The following SRP9 variants were observed in gnomAD, a reference collection of about 807,000 sequenced individuals.
The protein encoded by SRP9 is signal recognition particle 9 kDa protein.
SRP9 carries 2 observed loss-of-function variants against 11.7 expected under a neutral mutation model. The observed-to-expected ratio is 0.17, with a 90% CI of 0.07 to 0.54. SRP9 has a LOEUF of 0.54. Ranked by LOEUF, SRP9 falls within the 20% of genes least tolerant of loss-of-function variation. The pLI, the probability that SRP9 is intolerant of heterozygous loss-of-function variation, is 0.94. For missense variants in SRP9, 54 were observed against 108.1 expected, an observed-to-expected ratio of 0.50 and a Z score of 2.22; for synonymous variants, 27 against 35.6, an observed-to-expected ratio of 0.76 and a Z score of 0.86.
rs183410856 is a variant in SRP9 at position 225,784,831 on chromosome 1, G to A, written c.141+1463G>A. On this transcript the variant is annotated intron_variant, in intron 2 of 2. Transcript: ENST00000304786. ...CACTCCAGCCTGGGTGACACAGCAA[G>A]ACTCCATCTCAAAAAAACAAACAAA... Among the ~76,000 whole-genome samples, 17 of 152,072 alleles carry A rather than the reference G, an allele frequency of 1.1e-4. No homozygotes were observed. In the East Asian group the frequency reaches 3.2e-3, roughly 28 times the overall value.
chr1:225,781,210 C>T (rs1265675751), intron 1 of SRP9, among the ~76,000 whole-genome samples: 1 of 152,106 alleles, frequency 6.6e-6, no homozygotes, highest in East Asian at 1.9e-4. Context: ...TGTTTTCTCT[C>T]TTTAGCATTT....
chr1:225,785,921 A>G lies in SRP9; in HGVS notation c.141+2553A>G, dbSNP rs145186776. On this transcript the variant is annotated intron_variant, in intron 2 of 2. Coordinates refer to ENST00000304786, the MANE Select transcript of SRP9 (RefSeq NM_003133.6). ...GGCTGGAGTTGAACTCCTGACCTCAAGCGATCCACCCACCTCGGCCTCCCA... is the reference window on the plus strand; with the variant it reads ...GGCTGGAGTTGAACTCCTGACCTCAGGCGATCCACCCACCTCGGCCTCCCA... Among the ~76,000 whole-genome samples, 122 of 151,860 alleles carry G rather than the reference A, an allele frequency of 8.0e-4. No individual in the cohort carries two copies. The Middle Eastern group carries it at 0.01, about 13-fold the overall frequency.
chr1:225,782,265 A>G (rs375962174), intron 1 of SRP9, among the ~76,000 whole-genome samples: 2 of 151,890 alleles, frequency 1.3e-5, no homozygotes, highest in Non-Finnish European at 2.9e-5. Context: ...CCTGGTTCAC[A>G]CCATTCTCTT....
At chr1:225,781,177 C>A (rs1016401546) in intron 1 of SRP9, among the ~76,000 whole-genome samples, 2 of 152,124 alleles carry the variant, frequency 1.3e-5, no homozygotes, top group Admixed American at 1.3e-4. Context: ...TTTAGACTTT[C>A]CTTTTTCCCA....
chr1:225,778,943 C>A (rs949978597), intron 1 of SRP9, among the ~76,000 whole-genome samples: 1 of 152,186 alleles, frequency 6.6e-6, no homozygotes, highest in African/African-American at 2.4e-5. Context: ...TTCCCACTCT[C>A]GTGTTACTGA....
chr1:225,784,346 A>G (rs1343158575), intron 2 of SRP9, among the ~76,000 whole-genome samples: 1 of 136,032 alleles, frequency 7.4e-6, no homozygotes, highest in Non-Finnish European at 1.5e-5. Context: ...TCCCGGGTTC[A>G]TGCCATTCTT....
intron 1 of SRP9, among the ~76,000 whole-genome samples, chr1:225,782,411 G>A (rs1225001397): frequency 6.6e-6 from 1 of 152,068 alleles, no homozygotes; most frequent in East Asian, 1.9e-4. Context: ...TGATCCACCC[G>A]CCTTGGCCTC....
chr1:225,786,891 G>A (rs1335382655), intron 2 of SRP9: 2 of 1,109,038 alleles, frequency 1.8e-6, no homozygotes, highest in Non-Finnish European at 2.4e-6. Flanking sequence ...TGCTCAGGCT[G>A]CAGTGCAGTG....
Position 225,784,229 on chromosome 1 carries a change from C to CTTTTTTTTTTT in SRP9, c.141+886_141+896dup, listed in dbSNP as rs561503475. Reference sequence around the variant, plus strand: ...TCTACAGTGGAGTTTATCACCTGTTCTTTTTTTTTTTTTTTTTTTTTTTTT... The same window carrying CTTTTTTTTTTT: ...TCTACAGTGGAGTTTATCACCTGTTCTTTTTTTTTTTTTTTTTTTTTTTTTTTTTTTTTTTT... On this transcript the variant is annotated intron_variant, in intron 2 of 2. Coordinates refer to ENST00000304786, the MANE Select transcript of SRP9 (RefSeq NM_003133.6). Among the ~76,000 whole-genome samples the CTTTTTTTTTTT allele has an allele frequency of 1.7e-4, 6 of 34,458 alleles. 2 individuals carry two copies. The highest frequency in any genetic ancestry group is 1.4e-3 in the Admixed American group (3 of 2,194). 22.6% of individuals were successfully genotyped at this position (34,458 alleles called of 152,430 possible).
chr1:225,779,831 C>G (rs1665759364), intron 1 of SRP9, among the ~76,000 whole-genome samples: 1 of 152,098 alleles, frequency 6.6e-6, no homozygotes, highest in Non-Finnish European at 1.5e-5. Flanking sequence ...TACTCTGAGA[C>G]CACACAGGAC....
intron 1 of SRP9, 57 bp downstream of exon 1, chr1:225,778,069 T>C: frequency 6.3e-7 from 1 of 1,595,600 alleles, no homozygotes; most frequent in African/African-American, 1.3e-5. Context: ...CTTCCCGCCA[T>C]CCACTCGGCC....
chr1:225,777,871 C>G lies in SRP9; in HGVS notation c.-70C>G. On this transcript the variant is annotated 5_prime_UTR_variant, in exon 1 of 3. Coordinates refer to ENST00000304786, the MANE Select transcript of SRP9 (RefSeq NM_003133.6). ...GGGACTCGCGTCGGTTGGCGACTCC[C>G]GGACGTAGGTAGTTTGTTGGGCCGG... The G allele has an allele frequency of 6.8e-7, 1 of 1,467,136 alleles. No homozygotes were observed. Among genetic ancestry groups the G allele is most frequent in the Non-Finnish European group, 9.4e-7 (1 of 1,061,066 alleles). 90.9% of individuals were successfully genotyped at this position (1,467,136 alleles called of 1,614,324 possible).
At chr1:225,780,178 A>ATTTTTTTTTT (rs67816765) in intron 1 of SRP9, among the ~76,000 whole-genome samples, 6 of 130,182 alleles carry the variant, frequency 4.6e-5, no homozygotes, top group Non-Finnish European at 9.5e-5. Context: ...TGCCTGCCTA[A>ATTTTTTTTTT]TTTTTTTTTT....
Position 225,789,907 on chromosome 1 carries a change from A to G in SRP9, c.*548A>G, listed in dbSNP as rs1665993381. On this transcript the variant is annotated 3_prime_UTR_variant, in exon 3 of 3. Coordinates refer to ENST00000304786, the MANE Select transcript of SRP9 (RefSeq NM_003133.6). Reference sequence around the variant, plus strand: ...TCAATTATATCTGAAAGTAATTGTGACTAACAAGTATGCTTTGCCTTATTT... The same window carrying G: ...TCAATTATATCTGAAAGTAATTGTGGCTAACAAGTATGCTTTGCCTTATTT... 6.6e-6 allele frequency: 1 copy of G among 152,358 alleles called. No individual in the cohort carries two copies. Among genetic ancestry groups the G allele is most frequent in the South Asian group, 2.1e-4 (1 of 4,842 alleles). The allele number at this position is 152,358 out of a possible 1,614,324, so 9.4% of individuals were successfully genotyped here. A position where few individuals can be genotyped will look rare whatever the true frequency, so the allele number is the denominator to read the frequency against.
intron 2 of SRP9, chr1:225,786,770 G>A: frequency 4.2e-6 from 5 of 1,183,846 alleles, no homozygotes; most frequent in Non-Finnish European, 5.3e-6. Context: ...ATATATGAAA[G>A]TATCTAACAT....
At chr1:225,786,790 CCCTTGG>C (rs1234037317) in intron 2 of SRP9, 1 of 1,249,714 alleles carries the variant, frequency 8.0e-7, no homozygotes, top group Admixed American at 2.7e-5. Context: ...TGAGTGCTTA[CCCTTGG>C]TAGATTGAGT....
intron 2 of SRP9, among the ~76,000 whole-genome samples, chr1:225,784,229 C>CTTTTTTTTTTTTT (rs561503475): frequency 8.7e-5 from 3 of 34,458 alleles, no homozygotes; most frequent in Non-Finnish European, 1.5e-4. Context: ...ATCACCTGTT[C>CTTTTTTTTTTTTT]TTTTTTTTTT....
Position 225,777,924 on chromosome 1 carries a change from T to C in SRP9, c.-17T>C. The stretch of plus-strand genomic sequence containing the variant: ...TCTGAGGCCTTGCTTCTCTTTACTT[T>C]TCCACTCTAGGCCACGATGCCGCAG... On this transcript the variant is annotated 5_prime_UTR_variant, in exon 1 of 3. Coordinates refer to ENST00000304786, the MANE Select transcript of SRP9 (RefSeq NM_003133.6). 1 of 1,612,452 alleles carries C rather than the reference T, an allele frequency of 6.2e-7. No individual in the cohort carries two copies. The highest frequency in any genetic ancestry group is 1.1e-5 in the South Asian group (1 of 91,024).
intron 2 of SRP9, among the ~76,000 whole-genome samples, chr1:225,784,885 T>C (rs1665873107): frequency 6.6e-6 from 1 of 152,078 alleles, no homozygotes; most frequent in South Asian, 2.1e-4. Context: ...TGTTCCTACC[T>C]TCCTACCTTT....
Sources: allele counts gnomAD v4.1 joint callset (sites outside exome capture counted in the v4.1 genomes callset), GRCh38; gene constraint gnomAD v4.1.1; transcripts MANE v1.5; gene names NCBI Gene and HGNC (gene_info 2026-07-23, HGNC 2026-07-21).